Variants in HPSE2 observed in about 807,000 individuals in gnomAD.
HPSE2 encodes inactive heparanase-2.
A neutral mutation model predicts 60.5 loss-of-function variants in HPSE2; 38 were observed. The ratio of observed to expected loss-of-function variants is 0.63; its 90% CI spans 0.48 to 0.82. The LOEUF (loss-of-function observed/expected upper bound fraction) is 0.82, where lower values mean the gene tolerates loss of function less well. HPSE2 is among the 40% of genes least tolerant of loss of function. The pLI, the probability that HPSE2 is intolerant of heterozygous loss-of-function variation, is 0.00. For synonymous variants in HPSE2, 295 were observed against 293.2 expected (o/e 1.01, Z -0.06); for missense variants, 713 against 740.4 (o/e 0.96, Z 0.43).
At chr10:99,059,469 C>T (rs1958184820) in intron 3 of HPSE2, among the ~76,000 whole-genome samples, 1 of 152,012 alleles carries the variant, frequency 6.6e-6, no homozygotes, top group Admixed American at 6.6e-5. Context: ...TTCTCATTGG[C>T]ATAAAGAAAA....
intron 9 of HPSE2, among the ~76,000 whole-genome samples, chr10:98,504,008 G>GA (rs1254075478): frequency 2.6e-5 from 4 of 152,030 alleles, no homozygotes; most frequent in South Asian, 2.1e-4. Flanking sequence ...TAACTTATGG[G>GA]AAAAAAATCA....
chr10:98,994,748 C>T (rs930069264), intron 3 of HPSE2, among the ~76,000 whole-genome samples: 1 of 152,148 alleles, frequency 6.6e-6, no homozygotes, highest in Non-Finnish European at 1.5e-5. Context: ...GGACAAGAGG[C>T]TGTAGGAATT....
intron 3 of HPSE2, among the ~76,000 whole-genome samples, chr10:98,908,720 G>T (rs1590057862): frequency 6.9e-6 from 1 of 145,900 alleles, no homozygotes. Flanking sequence ...GATGGTATAT[G>T]GAAAGTAATT....
At chr10:98,571,557 A>G (rs1195430139) in intron 9 of HPSE2, among the ~76,000 whole-genome samples, 1 of 152,230 alleles carries the variant, frequency 6.6e-6, no homozygotes. Context: ...GAAACTGAGG[A>G]ACAAAGAGGA....
At chr10:99,092,893 C>G (rs747860148) in intron 3 of HPSE2, among the ~76,000 whole-genome samples, 1 of 152,122 alleles carries the variant, frequency 6.6e-6, no homozygotes, top group African/African-American at 2.4e-5. Flanking sequence ...AATATTTGGT[C>G]ATATAAACAG....
intron 11 of HPSE2, among the ~76,000 whole-genome samples, chr10:98,482,263 T>C (rs1348922858): frequency 1.3e-5 from 2 of 152,208 alleles, no homozygotes; most frequent in Non-Finnish European, 2.9e-5. Flanking sequence ...GGTTCTCAAC[T>C]ACCAGGATGT....
intron 6 of HPSE2, among the ~76,000 whole-genome samples, chr10:98,677,933 T>C (rs1947687234): frequency 6.6e-6 from 1 of 152,232 alleles, no homozygotes; most frequent in Non-Finnish European, 1.5e-5. Context: ...TTACTTATAT[T>C]GTGGGATAAT....
intron 9 of HPSE2, among the ~76,000 whole-genome samples, chr10:98,521,343 CAGA>C (rs1368262789): frequency 1.3e-5 from 2 of 152,278 alleles, no homozygotes; most frequent in East Asian, 1.9e-4. Flanking sequence ...AGACACTTCT[CAGA>C]AGAAGACATT....
chr10:99,231,327 T>C (rs560449718), intron 2 of HPSE2, among the ~76,000 whole-genome samples: 35 of 152,280 alleles, frequency 2.3e-4, no homozygotes, highest in African/African-American at 8.4e-4. Flanking sequence ...CCTTTACATA[T>C]AAAACTAGTT....
At chr10:99,068,610 G>A (rs1261336674) in intron 3 of HPSE2, among the ~76,000 whole-genome samples, 1 of 152,074 alleles carries the variant, frequency 6.6e-6, no homozygotes, top group African/African-American at 2.4e-5. Context: ...TTTGTGTAGG[G>A]ATACAGCTGA....
At chr10:98,897,933 A>G (rs940832410) in intron 3 of HPSE2, among the ~76,000 whole-genome samples, 5 of 152,130 alleles carry the variant, frequency 3.3e-5, no homozygotes, top group African/African-American at 9.7e-5. Context: ...AAGATTTTCA[A>G]AATATATACC....
intron 3 of HPSE2, among the ~76,000 whole-genome samples, chr10:98,896,979 A>G (rs1297016560): frequency 1.3e-5 from 2 of 152,208 alleles, no homozygotes; most frequent in Non-Finnish European, 2.9e-5. Flanking sequence ...AGAAAGCACC[A>G]GATTCACATG....
chr10:98,854,097 C>G (rs10509726), intron 3 of HPSE2, among the ~76,000 whole-genome samples: 3,074 of 152,176 alleles, frequency 0.02, 115 homozygotes, highest in East Asian at 0.16. Flanking sequence ...AAAAGAAGAT[C>G]TACAGTTAAG....
At chr10:98,984,662 G>C (rs1028468092) in intron 3 of HPSE2, among the ~76,000 whole-genome samples, 2 of 152,202 alleles carry the variant, frequency 1.3e-5, no homozygotes, top group Non-Finnish European at 2.9e-5. Flanking sequence ...GACGAGTTGA[G>C]AGAAGAAGGC....
At chr10:98,757,680 A>G (rs551189333) in intron 3 of HPSE2, among the ~76,000 whole-genome samples, 1 of 152,242 alleles carries the variant, frequency 6.6e-6, no homozygotes, top group South Asian at 2.1e-4. Flanking sequence ...GAGAGAAATT[A>G]GAGACAACAC....
chr10:98,494,860 G>C (rs548856580), intron 9 of HPSE2, among the ~76,000 whole-genome samples: 1 of 152,232 alleles, frequency 6.6e-6, no homozygotes, highest in South Asian at 2.1e-4. Flanking sequence ...AGAGGTATTA[G>C]TCTGTTAAAA....
chr10:99,257,066 C>T, the HPSE2 span, among the ~76,000 whole-genome samples: 1 of 152,222 alleles, frequency 6.6e-6, no homozygotes. Context: ...ACATTTATCA[C>T]TTCCCCAATC....
At chr10:98,867,294 GA>G (rs200460520) in intron 3 of HPSE2, among the ~76,000 whole-genome samples, 4,520 of 139,880 alleles carry the variant, frequency 0.032, 141 homozygotes, top group East Asian at 0.19. Flanking sequence ...AACTCTATAG[GA>G]AAAAAAAAAA....
chr10:98,518,445 C>T (rs899706367), intron 9 of HPSE2, among the ~76,000 whole-genome samples: 2 of 152,176 alleles, frequency 1.3e-5, no homozygotes, highest in South Asian at 2.1e-4. Context: ...GTGGCTCACA[C>T]CAGTAATCCC....
Sources: allele counts gnomAD v4.1 joint callset (sites outside exome capture counted in the v4.1 genomes callset), GRCh38; gene constraint gnomAD v4.1.1; transcripts MANE v1.5; gene names NCBI Gene and HGNC (gene_info 2026-07-23, HGNC 2026-07-21).